The following MDGA2 variants were observed in gnomAD, a reference collection of about 807,000 sequenced individuals.
MDGA2 encodes the protein MAM domain-containing glycosylphosphatidylinositol anchor protein 2.
Under a neutral mutation model 117.8 loss-of-function variants are expected in MDGA2, and 40 were observed. That is an observed-to-expected ratio of 0.34 (90% CI 0.26 to 0.44). The LOEUF (loss-of-function observed/expected upper bound fraction) is 0.44, where lower values mean the gene tolerates loss of function less well. Ranked by LOEUF, MDGA2 falls within the 20% of genes least tolerant of loss-of-function variation. MDGA2 has a pLI of 1.00. For synonymous variants in MDGA2, 452 were observed against 439.0 expected (o/e 1.03, Z -0.37); for missense variants, 1,123 against 1,250.6 (o/e 0.90, Z 1.54).
intron 9 of MDGA2, among the ~76,000 whole-genome samples, chr14:46,955,560 C>T (rs547350973): frequency 6.6e-6 from 1 of 151,974 alleles, no homozygotes; most frequent in Non-Finnish European, 1.5e-5. Context: ...ATTTTCACAC[C>T]CCTTCTGACA....
chr14:47,071,078 G>A (rs192837010), intron 6 of MDGA2, among the ~76,000 whole-genome samples: 7 of 152,286 alleles, frequency 4.6e-5, no homozygotes, highest in East Asian at 3.9e-4. Context: ...ATTTAGTCAT[G>A]TGCATTATTA....
intron 2 of MDGA2, among the ~76,000 whole-genome samples, chr14:47,248,442 T>C (rs974492041): frequency 3.3e-5 from 5 of 151,666 alleles, no homozygotes; most frequent in African/African-American, 1.2e-4. Context: ...TTCTGTGAAT[T>C]TGCAGAAAAT....
At chr14:47,587,982 G>A (rs148946885) in intron 1 of MDGA2, among the ~76,000 whole-genome samples, 23 of 151,724 alleles carry the variant, frequency 1.5e-4, no homozygotes, top group African/African-American at 2.7e-4. Context: ...TATAAGAAAT[G>A]CCATTTATGT....
At chr14:47,215,575 T>A (rs553528153) in intron 3 of MDGA2, among the ~76,000 whole-genome samples, 10 of 152,240 alleles carry the variant, frequency 6.6e-5, no homozygotes, top group South Asian at 2.1e-4. Context: ...CAAAGGATGT[T>A]TGAAAATTTA....
chr14:47,162,179 T>C (rs913520337), intron 3 of MDGA2, among the ~76,000 whole-genome samples: 3 of 152,034 alleles, frequency 2.0e-5, no homozygotes, highest in African/African-American at 7.2e-5. Flanking sequence ...TCTCCCGACC[T>C]CGTGTTCTGC....
chr14:47,607,259 A>C (rs1339168762), intron 1 of MDGA2, among the ~76,000 whole-genome samples: 1 of 152,176 alleles, frequency 6.6e-6, no homozygotes, highest in South Asian at 2.1e-4. Context: ...AGAGATCAGC[A>C]TGGGGAAAAG....
At chr14:47,448,540 T>C (rs1266999098) in intron 1 of MDGA2, among the ~76,000 whole-genome samples, 1 of 152,088 alleles carries the variant, frequency 6.6e-6, no homozygotes, top group African/African-American at 2.4e-5. Context: ...AGTAATGAGG[T>C]TTGGAGAACT....
At chr14:47,403,731 C>T (rs1448898871) in intron 1 of MDGA2, among the ~76,000 whole-genome samples, 3 of 152,100 alleles carry the variant, frequency 2.0e-5, no homozygotes, top group African/African-American at 7.2e-5. Context: ...TCAGGACAAG[C>T]TATGCCAAAA....
intron 1 of MDGA2, among the ~76,000 whole-genome samples, chr14:47,465,610 C>A (rs111962048): frequency 6.6e-6 from 1 of 152,030 alleles, no homozygotes; most frequent in African/African-American, 2.4e-5. Flanking sequence ...TAGAGAAATA[C>A]AAATCAAAAC....
chr14:47,485,220 G>A (rs1251881414), intron 1 of MDGA2, among the ~76,000 whole-genome samples: 4 of 152,156 alleles, frequency 2.6e-5, no homozygotes, highest in Non-Finnish European at 5.9e-5. Flanking sequence ...GTCTCAGATG[G>A]AGATGAGAAA....
At chr14:47,605,208 CACA>C (rs1233835471) in intron 1 of MDGA2, among the ~76,000 whole-genome samples, 1 of 151,918 alleles carries the variant, frequency 6.6e-6, no homozygotes, top group Non-Finnish European at 1.5e-5. Flanking sequence ...CAATGAGTAA[CACA>C]GCACTTGACC....
chr14:47,384,473 A>G (rs1324333357), intron 1 of MDGA2, among the ~76,000 whole-genome samples: 1 of 151,922 alleles, frequency 6.6e-6, no homozygotes, highest in African/African-American at 2.4e-5. Flanking sequence ...GTTATCTTGT[A>G]TTATTCTTCC....
chr14:47,617,329 C>T (rs536203978), intron 1 of MDGA2, among the ~76,000 whole-genome samples: 20 of 151,996 alleles, frequency 1.3e-4, no homozygotes, highest in Non-Finnish European at 2.2e-4. Flanking sequence ...CTCAGCCTCC[C>T]GAGTGGCTGG....
chr14:47,517,020 G>T (rs1203594437), intron 1 of MDGA2, among the ~76,000 whole-genome samples: 1 of 152,038 alleles, frequency 6.6e-6, no homozygotes, highest in East Asian at 1.9e-4. Context: ...AGAAACAATT[G>T]GAAGGAATCA....
intron 1 of MDGA2, among the ~76,000 whole-genome samples, chr14:47,375,116 T>A (rs1891448785): frequency 6.6e-6 from 1 of 151,678 alleles, no homozygotes; most frequent in South Asian, 2.1e-4. Context: ...TAGAAAACTA[T>A]AAAAATAGTA....
At chr14:47,022,830 T>C (rs2138591673) in intron 8 of MDGA2, among the ~76,000 whole-genome samples, 1 of 152,280 alleles carries the variant, frequency 6.6e-6, no homozygotes, top group East Asian at 1.9e-4. Flanking sequence ...ACATGAAATA[T>C]GATCTCACAA....
At chr14:47,264,621 C>T (rs987775672) in intron 2 of MDGA2, among the ~76,000 whole-genome samples, 7 of 151,864 alleles carry the variant, frequency 4.6e-5, no homozygotes, top group Non-Finnish European at 8.8e-5. Flanking sequence ...ATATATTTCA[C>T]TTCAGTTTTA....
chr14:47,100,116 C>T (rs1880218101), intron 5 of MDGA2, among the ~76,000 whole-genome samples: 1 of 151,958 alleles, frequency 6.6e-6, no homozygotes, highest in Admixed American at 6.6e-5. Flanking sequence ...TATTTAAATA[C>T]ATCTCTACAT....
intron 7 of MDGA2, among the ~76,000 whole-genome samples, chr14:47,045,420 T>C (rs1889221846): frequency 6.6e-6 from 1 of 152,164 alleles, no homozygotes; most frequent in Non-Finnish European, 1.5e-5. Context: ...TAGTTCTTTC[T>C]TTTTTTAACC....
Sources: allele counts gnomAD v4.1 joint callset (sites outside exome capture counted in the v4.1 genomes callset), GRCh38; gene constraint gnomAD v4.1.1; transcripts MANE v1.5; gene names NCBI Gene and HGNC (gene_info 2026-07-23, HGNC 2026-07-21).